SYTL2: variants seen among roughly 807,000 people sequenced by gnomAD.
The protein encoded by SYTL2 is synaptotagmin like 2, also known as synaptotagmin-like protein 2.
Under a neutral mutation model 198.7 loss-of-function variants are expected in SYTL2, and 165 were observed. The ratio of observed to expected loss-of-function variants is 0.83; its 90% CI spans 0.73 to 0.94. SYTL2 has a LOEUF of 0.94. Among genes scored for constraint, SYTL2 ranks in the 40% least tolerant of loss-of-function variants. The probability of loss-of-function intolerance (pLI) is 0.00; values close to 1 mark genes in which losing one functional copy is unlikely to be tolerated. For synonymous variants in SYTL2, 966 were observed against 917.7 expected, an observed-to-expected ratio of 1.05 and a Z score of -0.95; for missense variants, 2,835 against 2,582.8, an observed-to-expected ratio of 1.10 and a Z score of -2.12.
At chr11:85,769,148 G>C (rs1196255171) in intron 1 of SYTL2, among the ~76,000 whole-genome samples, 5 of 152,202 alleles carry the variant, frequency 3.3e-5, no homozygotes, top group Non-Finnish European at 7.3e-5. Context: ...ATGGTAGGCA[G>C]AATAACAGTC....
At chr11:85,809,292 A>T (rs1223158669) in intron 1 of SYTL2, among the ~76,000 whole-genome samples, 1 of 152,230 alleles carries the variant, frequency 6.6e-6, no homozygotes, top group Admixed American at 6.5e-5. Context: ...TAAAGCAAAC[A>T]GGGCCCTGCC....
chr11:85,784,320 A>G (rs1461286526), intron 1 of SYTL2, among the ~76,000 whole-genome samples: 1 of 152,154 alleles, frequency 6.6e-6, no homozygotes, highest in Non-Finnish European at 1.5e-5. Context: ...TAACGCCTCA[A>G]ATTCCTTCTG....
chr11:85,809,363 T>C (rs1187486202), intron 1 of SYTL2, among the ~76,000 whole-genome samples: 1 of 152,200 alleles, frequency 6.6e-6, no homozygotes, highest in African/African-American at 2.4e-5. Flanking sequence ...GTACTGCTGC[T>C]GAGAGGCTAA....
chr11:85,840,668 A>C, the SYTL2 span, among the ~76,000 whole-genome samples: 1 of 152,224 alleles, frequency 6.6e-6, no homozygotes, highest in East Asian at 1.9e-4. Flanking sequence ...AAAACTGGCT[A>C]GCCATATGCA....
In SYTL2 at chr11:85,797,264, T is replaced by C. The variant is rs139452525; in HGVS notation, c.-390+13690A>G. Among the ~76,000 whole-genome samples, 22 of 152,356 alleles carry C rather than the reference T, an allele frequency of 1.4e-4. No individual in the cohort carries two copies. The East Asian group carries it at 4.2e-3, about 29-fold the overall frequency. The stretch of plus-strand genomic sequence containing the variant: ...CCTACCTTATAGGATTATTTTAGCA[T>C]TAAATGATATTGTATGTGAAAACAT... On this transcript the variant is annotated intron_variant, in intron 1 of 19. Coordinates refer to ENST00000359152, the MANE Select transcript of SYTL2 (RefSeq NM_206927.4).
intron 1 of SYTL2, among the ~76,000 whole-genome samples, chr11:85,785,082 GA>G (rs1188043169): frequency 2.0e-5 from 3 of 152,070 alleles, no homozygotes; most frequent in Non-Finnish European, 4.4e-5. Flanking sequence ...GGGGAAATTT[GA>G]GCCAAGAGAA....
intron 2 of SYTL2, among the ~76,000 whole-genome samples, chr11:85,756,396 C>T (rs2091869768): frequency 6.6e-6 from 1 of 152,176 alleles, no homozygotes; most frequent in South Asian, 2.1e-4. Flanking sequence ...ACAGCCAGCC[C>T]CTTCCTCCAT....
the SYTL2 span, among the ~76,000 whole-genome samples, chr11:85,848,654 T>G: frequency 6.6e-6 from 1 of 152,262 alleles, no homozygotes; most frequent in Non-Finnish European, 1.5e-5. Context: ...TTGGTCTATA[T>G]GTTTGTCCTT....
chr11:85,852,495 T>A, the SYTL2 span: 5 of 158,476 alleles, frequency 3.2e-5, no homozygotes, highest in Non-Finnish European at 6.9e-5. Context: ...CGCCTCAGCC[T>A]GCCGAGTGCC....
chr11:85,738,872 C>T (rs980680231), intron 4 of SYTL2, among the ~76,000 whole-genome samples: 2 of 152,152 alleles, frequency 1.3e-5, no homozygotes, highest in African/African-American at 4.8e-5. Context: ...CCTTCCCACT[C>T]ACCAAGCCCA....
At chr11:85,833,734 T>C in the SYTL2 span, among the ~76,000 whole-genome samples, 3 of 149,052 alleles carry the variant, frequency 2.0e-5, no homozygotes, top group Non-Finnish European at 4.5e-5. Flanking sequence ...GATTTCTTTT[T>C]TTTTTTTTTT....
chr11:85,846,552 C>T, the SYTL2 span, among the ~76,000 whole-genome samples: 1 of 151,978 alleles, frequency 6.6e-6, no homozygotes, highest in Non-Finnish European at 1.5e-5. Flanking sequence ...CTCAACTTCC[C>T]AAGTAGCTGG....
intron 8 of SYTL2, 33 bp downstream of exon 8, chr11:85,723,999 C>A: frequency 7.7e-7 from 1 of 1,296,196 alleles, no homozygotes; most frequent in Non-Finnish European, 1.0e-6. Context: ...ATAAAGCAGA[C>A]TCACTGTGAG....
At chr11:85,847,844 T>C in the SYTL2 span, among the ~76,000 whole-genome samples, 21,041 of 152,240 alleles carry the variant, frequency 0.14, 1,762 homozygotes, top group Middle Eastern at 0.2. Context: ...TGAGGAATTA[T>C]TTATAAATTC....
At chr11:85,715,157 T>G (rs187655306) in intron 11 of SYTL2, 9 of 152,288 alleles carry the variant, frequency 5.9e-5, no homozygotes, top group African/African-American at 2.2e-4. Flanking sequence ...CTCTAAGAAT[T>G]TAATAAGAAA....
Position 85,724,365 on chromosome 11 carries a change from G to A in SYTL2, c.4993C>T (p.Pro1665Ser), listed in dbSNP as rs547549150. The A allele has an allele frequency of 8.9e-5, 141 of 1,585,640 alleles. 1 individual carries two copies. In the South Asian group the frequency reaches 1.4e-3, roughly 16 times the overall value. ...SRSGVEIPRTPQLYVAHEIGT... is the reference protein window; with the variant it reads ...SRSGVEIPRTSQLYVAHEIGT... ...ATTTCATGAGCCACATAAAGTTGTG[G>A]GGTTCTAGGGATCTCAACTCCACTT... Residue 1665 changes from proline to serine, a missense_variant, in exon 8 of 20, where the codon CCA becomes TCA. Physicochemically the swap from Pro to Ser is moderately conservative, Grantham distance 74. Coordinates refer to ENST00000359152, the MANE Select transcript of SYTL2 (RefSeq NM_206927.4).
chr11:85,719,476 G>T, intron 9 of SYTL2: 1 of 291,988 alleles, frequency 3.4e-6, no homozygotes, highest in Non-Finnish European at 5.1e-6. Flanking sequence ...ACAGGCAAGA[G>T]GTTTGCTAAA....
chr11:85,843,054 T>C, the SYTL2 span, among the ~76,000 whole-genome samples: 1 of 152,206 alleles, frequency 6.6e-6, no homozygotes, highest in East Asian at 1.9e-4. Context: ...GAAGCTTGTT[T>C]AGATCTGGAG....
chr11:85,724,288 C>G lies in SYTL2; in HGVS notation c.5070G>C (p.Gly1690=), dbSNP rs750752063. ...TPPEDRDSES[G]VAGGQGTLQE... is the part of the protein sequence containing the mutation. ...GAAGAGTCCCTTGTCCCCCTGCAAC[C>G]CCACTTTCACTGTCCCTGTCCTCTG... The change falls in exon 8 of 20, where the codon GGG becomes GGC. Residue 1690 remains glycine (G), a synonymous_variant. Coordinates refer to ENST00000359152, the MANE Select transcript of SYTL2 (RefSeq NM_206927.4). 3.2e-6 allele frequency: 5 copies of G among 1,562,830 alleles called. No homozygotes were observed. Among genetic ancestry groups the G allele is most frequent in the Non-Finnish European group, 4.3e-6 (5 of 1,160,076 alleles).
Sources: allele counts gnomAD v4.1 joint callset (sites outside exome capture counted in the v4.1 genomes callset), GRCh38; gene constraint gnomAD v4.1.1; transcripts MANE v1.5; gene names NCBI Gene and HGNC (gene_info 2026-07-23, HGNC 2026-07-21).